METTL25: variants seen among roughly 807,000 people sequenced by gnomAD.
The protein encoded by METTL25 is probable methyltransferase-like protein 25.
Under a neutral mutation model 71.6 loss-of-function variants are expected in METTL25, and 64 were observed. That is an observed-to-expected ratio of 0.89 (90% CI 0.73 to 1.10). The LOEUF is 1.10. METTL25 is among the 50% of genes least tolerant of loss of function. METTL25 has a pLI of 0.00. For missense variants in METTL25, 807 were observed against 707.0 expected (o/e 1.14, Z -1.60); for synonymous variants, 287 against 250.3 (o/e 1.15, Z -1.38).
chr12:82,466,238 AC>A (rs1892222926), intron 9 of METTL25, among the ~76,000 whole-genome samples: 1 of 149,616 alleles, frequency 6.7e-6, no homozygotes, highest in Non-Finnish European at 1.5e-5. Flanking sequence ...CTGTAAACTT[AC>A]CCCTTAATAC....
intron 9 of METTL25, among the ~76,000 whole-genome samples, chr12:82,474,965 A>G (rs80000196): frequency 0.02 from 3,074 of 152,328 alleles, 90 homozygotes; most frequent in African/African-American, 0.069. Flanking sequence ...GATCTCAGAC[A>G]AAATCAACAG....
intron 5 of METTL25, among the ~76,000 whole-genome samples, chr12:82,418,642 G>C (rs1888193599): frequency 6.6e-6 from 1 of 152,088 alleles, no homozygotes; most frequent in Non-Finnish European, 1.5e-5. Flanking sequence ...TCTATACTAA[G>C]TGCCACTCGT....
At chr12:82,466,362 G>T (rs1892233021) in intron 9 of METTL25, among the ~76,000 whole-genome samples, 1 of 149,050 alleles carries the variant, frequency 6.7e-6, no homozygotes. Context: ...TCACCCATTG[G>T]TCATTCAGGA....
chr12:82,387,399 TATG>T (rs1045912467), intron 2 of METTL25, among the ~76,000 whole-genome samples: 3 of 151,858 alleles, frequency 2.0e-5, no homozygotes, highest in African/African-American at 4.8e-5. Context: ...AAAAAACAAA[TATG>T]ATAATGTGGT....
chr12:82,412,644 C>A (rs1334077654), intron 5 of METTL25, among the ~76,000 whole-genome samples: 2 of 152,122 alleles, frequency 1.3e-5, no homozygotes, highest in Admixed American at 1.3e-4. Flanking sequence ...AGCTGCAAAT[C>A]ACCTTAACTG....
chr12:82,453,002 C>T (rs563043568), intron 8 of METTL25, among the ~76,000 whole-genome samples: 2 of 152,074 alleles, frequency 1.3e-5, no homozygotes, highest in Admixed American at 6.6e-5. Flanking sequence ...CGTGCATATA[C>T]AACATTTAAA....
chr12:82,448,101 A>G (rs1565873607), intron 8 of METTL25, among the ~76,000 whole-genome samples: 1 of 152,096 alleles, frequency 6.6e-6, no homozygotes, highest in Non-Finnish European at 1.5e-5. Flanking sequence ...AGCATTGTAA[A>G]TCAAGGTTAT....
intron 4 of METTL25, 90 bp from the exon 5 acceptor site, chr12:82,402,893 T>G (rs571923293): frequency 1.7e-5 from 16 of 962,822 alleles, no homozygotes; most frequent in Non-Finnish European, 2.4e-5. Flanking sequence ...CTGGGCAACA[T>G]TGCAAGATCC....
chr12:82,405,340 G>C (rs910959827), intron 5 of METTL25, among the ~76,000 whole-genome samples: 1 of 152,078 alleles, frequency 6.6e-6, no homozygotes, highest in Non-Finnish European at 1.5e-5. Flanking sequence ...ATTAAAATTT[G>C]TTGCGTTGCT....
chr12:82,422,875 C>T (rs1888648793), intron 5 of METTL25, among the ~76,000 whole-genome samples: 1 of 152,028 alleles, frequency 6.6e-6, no homozygotes, highest in Admixed American at 6.6e-5. Flanking sequence ...AACTACAAAC[C>T]ACTGCTCAAC....
intron 8 of METTL25, among the ~76,000 whole-genome samples, chr12:82,453,032 A>T (rs1891255977): frequency 6.6e-6 from 1 of 152,202 alleles, no homozygotes; most frequent in Non-Finnish European, 1.5e-5. Flanking sequence ...TTTAAAATGA[A>T]TGAATAAGCA....
At chr12:82,411,994 A>T (rs973665175) in intron 5 of METTL25, among the ~76,000 whole-genome samples, 5 of 152,126 alleles carry the variant, frequency 3.3e-5, no homozygotes, top group African/African-American at 1.2e-4. Flanking sequence ...TGCGATCTTT[A>T]ACCACAAAGC....
At chr12:82,411,811 A>G (rs2137062316) in intron 5 of METTL25, among the ~76,000 whole-genome samples, 1 of 152,200 alleles carries the variant, frequency 6.6e-6, no homozygotes, top group Middle Eastern at 3.4e-3. Flanking sequence ...CTTTAAATCT[A>G]CACAAAGTCA....
At chr12:82,466,852 T>C (rs1447030270) in intron 9 of METTL25, among the ~76,000 whole-genome samples, 1 of 152,130 alleles carries the variant, frequency 6.6e-6, no homozygotes, top group Non-Finnish European at 1.5e-5. Context: ...AGTTTCTCTC[T>C]TTATAGCTAT....
At chr12:82,453,908 C>T (rs1891312043) in intron 8 of METTL25, among the ~76,000 whole-genome samples, 1 of 151,972 alleles carries the variant, frequency 6.6e-6, no homozygotes, top group Non-Finnish European at 1.5e-5. Context: ...CAGCTGTGTT[C>T]CAGCTGATTA....
chr12:82,430,811 T>G, intron 5 of METTL25, 82 bp from the exon 6 acceptor site: 1 of 730,924 alleles, frequency 1.4e-6, no homozygotes, highest in South Asian at 1.9e-5. Context: ...AATGACTGAT[T>G]TGCTTTCTTG....
At chr12:82,450,115 C>A (rs1006541772) in intron 8 of METTL25, among the ~76,000 whole-genome samples, 1 of 152,082 alleles carries the variant, frequency 6.6e-6, no homozygotes, top group Non-Finnish European at 1.5e-5. Context: ...ACTCACCTTT[C>A]ACTCTTGTTC....
chr12:82,425,071 C>T (rs768357687), intron 5 of METTL25, among the ~76,000 whole-genome samples: 15 of 152,048 alleles, frequency 9.9e-5, no homozygotes, highest in Non-Finnish European at 1.8e-4. Context: ...TTGTGTATTA[C>T]GGTATAGATA....
chr12:82,387,097 T>C, intron 2 of METTL25, 130 bp downstream of exon 2: 1 of 714,548 alleles, frequency 1.4e-6, no homozygotes, highest in Non-Finnish European at 2.2e-6. Context: ...CCTGACAAAT[T>C]AACTATTGTT....
Sources: gnomAD v4.1 joint callset for allele counts (sites outside exome capture counted in the v4.1 genomes callset) on GRCh38, gnomAD v4.1.1 for gene constraint, MANE v1.5 for transcripts, NCBI Gene and HGNC (gene_info 2026-07-23, HGNC 2026-07-21) for gene names.